The following EXOC4 variants were observed in gnomAD, a reference collection of about 807,000 sequenced individuals.
The protein encoded by EXOC4 is exocyst complex component 4.
In EXOC4, 71 loss-of-function variants were observed where a neutral mutation model predicts 107.2. That is an observed-to-expected ratio of 0.66 (90% CI 0.55 to 0.81). The LOEUF is 0.81. EXOC4 is among the 30% of genes least tolerant of loss of function. The probability of loss-of-function intolerance (pLI) is 0.00; values close to 1 mark genes in which losing one functional copy is unlikely to be tolerated. For missense variants in EXOC4, 1,108 were observed against 1,189.6 expected, an observed-to-expected ratio of 0.93 and a Z score of 1.01; for synonymous variants, 456 against 441.2, an observed-to-expected ratio of 1.03 and a Z score of -0.42.
intron 1 of EXOC4, among the ~76,000 whole-genome samples, chr7:133,261,423 C>T (rs960649656): frequency 5.3e-5 from 8 of 152,006 alleles, no homozygotes; most frequent in South Asian, 2.1e-4. Context: ...TGTGCCACTG[C>T]GCCCGGCTAA....
chr7:133,355,221 C>T (rs1404010206), intron 5 of EXOC4, among the ~76,000 whole-genome samples: 1 of 151,274 alleles, frequency 6.6e-6, no homozygotes, highest in Non-Finnish European at 1.5e-5. Context: ...AGAATGTATT[C>T]ATTCTTTCAG....
intron 12 of EXOC4, among the ~76,000 whole-genome samples, chr7:133,902,436 A>G (rs1799473371): frequency 6.6e-6 from 1 of 152,230 alleles, no homozygotes; most frequent in Non-Finnish European, 1.5e-5. Context: ...ATTGAGTGCT[A>G]GTACAAGAGT....
intron 7 of EXOC4, 31 bp downstream of exon 7, chr7:133,375,033 G>A (rs1199388751): frequency 6.3e-7 from 1 of 1,583,776 alleles, no homozygotes; most frequent in South Asian, 1.1e-5. Flanking sequence ...GTGTCATCTT[G>A]ATTCAGAGTA....
intron 10 of EXOC4, among the ~76,000 whole-genome samples, chr7:133,644,196 A>G (rs990126887): frequency 6.6e-6 from 1 of 152,196 alleles, no homozygotes; most frequent in Non-Finnish European, 1.5e-5. Flanking sequence ...TAGGCTTCCT[A>G]TCAATTTCAC....
chr7:133,561,393 A>T (rs868159263), intron 9 of EXOC4, among the ~76,000 whole-genome samples: 1 of 152,150 alleles, frequency 6.6e-6, no homozygotes, highest in Non-Finnish European at 1.5e-5. Flanking sequence ...AAGCCCCTTA[A>T]TTTATTCATT....
intron 7 of EXOC4, 68 bp from the exon 8 acceptor site, chr7:133,475,260 A>G: frequency 1.5e-6 from 2 of 1,344,960 alleles, no homozygotes; most frequent in Non-Finnish European, 2.1e-6. Context: ...ATGGTTTTAA[A>G]ATAGTTTTTC....
intron 5 of EXOC4, among the ~76,000 whole-genome samples, chr7:133,333,763 A>C (rs917181344): frequency 8.5e-5 from 13 of 152,218 alleles, no homozygotes; most frequent in African/African-American, 3.1e-4. Flanking sequence ...ACTGCAGTTC[A>C]GCTGAGCCTT....
chr7:133,510,957 A>G (rs1010034498), intron 9 of EXOC4, among the ~76,000 whole-genome samples: 1 of 152,158 alleles, frequency 6.6e-6, no homozygotes, highest in South Asian at 2.1e-4. Context: ...CTTATAACTT[A>G]TTTATAAAAG....
chr7:133,534,993 T>G (rs1800246762), intron 9 of EXOC4, among the ~76,000 whole-genome samples: 1 of 152,196 alleles, frequency 6.6e-6, no homozygotes, highest in African/African-American at 2.4e-5. Flanking sequence ...GGCAGAATAC[T>G]TAAAAGGGCA....
intron 11 of EXOC4, among the ~76,000 whole-genome samples, chr7:133,852,157 C>T (rs1350264264): frequency 6.6e-6 from 1 of 151,092 alleles, no homozygotes; most frequent in Non-Finnish European, 1.5e-5. Context: ...GCAGTCTCAG[C>T]TTTTGGGTTT....
At chr7:133,767,413 G>C (rs544507068) in intron 10 of EXOC4, among the ~76,000 whole-genome samples, 1 of 151,720 alleles carries the variant, frequency 6.6e-6, no homozygotes, top group South Asian at 2.1e-4. Context: ...TTCATAGTAG[G>C]CTCCAATTAA....
chr7:133,578,298 CACTTT>C (rs1428272774), intron 9 of EXOC4, among the ~76,000 whole-genome samples: 2 of 152,106 alleles, frequency 1.3e-5, no homozygotes, highest in African/African-American at 4.8e-5. Context: ...AGACTCTTTT[CACTTT>C]ACTTAATGCT....
chr7:133,875,289 G>A (rs937884388), intron 11 of EXOC4, among the ~76,000 whole-genome samples: 4 of 152,332 alleles, frequency 2.6e-5, no homozygotes, highest in Admixed American at 2.0e-4. Context: ...GAAGAAGGGT[G>A]TTAGGAAATG....
chr7:133,985,167 A>G (rs991790060), intron 14 of EXOC4, among the ~76,000 whole-genome samples: 84 of 152,190 alleles, frequency 5.5e-4, no homozygotes, highest in African/African-American at 2.0e-3. Context: ...AAAAAGTTAT[A>G]TTGTCCATAG....
chr7:134,025,473 TA>T (rs1795119720), intron 17 of EXOC4, among the ~76,000 whole-genome samples: 1 of 152,196 alleles, frequency 6.6e-6, no homozygotes, highest in African/African-American at 2.4e-5. Context: ...TGAGTTCTCT[TA>T]GTTGAGCAGA....
At chr7:133,855,676 A>G (rs1236014599) in intron 11 of EXOC4, among the ~76,000 whole-genome samples, 1 of 152,192 alleles carries the variant, frequency 6.6e-6, no homozygotes, top group African/African-American at 2.4e-5. Flanking sequence ...GGTAAAAGCA[A>G]CTACTGATAA....
At chr7:133,608,939 T>G (rs569074755) in intron 9 of EXOC4, among the ~76,000 whole-genome samples, 1 of 152,240 alleles carries the variant, frequency 6.6e-6, no homozygotes, top group Non-Finnish European at 1.5e-5. Context: ...ATATAACTTA[T>G]ATGTTCATTT....
chr7:133,332,587 G>C (rs541716605), intron 5 of EXOC4, among the ~76,000 whole-genome samples: 1 of 152,192 alleles, frequency 6.6e-6, no homozygotes, highest in African/African-American at 2.4e-5. Flanking sequence ...TACCAATTTT[G>C]TTGCATTATT....
At chr7:133,450,943 G>A (rs1798330138) in intron 7 of EXOC4, among the ~76,000 whole-genome samples, 1 of 152,180 alleles carries the variant, frequency 6.6e-6, no homozygotes, top group African/African-American at 2.4e-5. Context: ...GTTCAGGTGG[G>A]ATGGTGAGTT....
Sources: gnomAD v4.1 joint callset for allele counts (sites outside exome capture counted in the v4.1 genomes callset) on GRCh38, gnomAD v4.1.1 for gene constraint, MANE v1.5 for transcripts, NCBI Gene and HGNC (gene_info 2026-07-23, HGNC 2026-07-21) for gene names.